Variants in NIPBL observed in about 807,000 individuals in gnomAD.
NIPBL encodes the protein nipped-B-like protein.
NIPBL carries 19 observed loss-of-function variants against 321.8 expected under a neutral mutation model. The ratio of observed to expected loss-of-function variants is 0.06; its 90% confidence interval spans 0.04 to 0.09. The LOEUF is 0.09. Ranked by LOEUF, NIPBL falls within the 10% of genes least tolerant of loss-of-function variation. The pLI, the probability that NIPBL is intolerant of heterozygous loss-of-function variation, is 1.00. For missense variants in NIPBL, 2,210 were observed against 3,327.0 expected (o/e 0.66, Z 8.26); for synonymous variants, 1,106 against 1,114.1 (o/e 0.99, Z 0.14).
chr5:37,011,096 G>A (rs371705498), intron 21 of NIPBL, among the ~76,000 whole-genome samples: 12 of 152,110 alleles, frequency 7.9e-5, no homozygotes, highest in African/African-American at 2.4e-4. Context: ...AGCTCATGCC[G>A]ACGATTTGCG....
intron 24 of NIPBL, among the ~76,000 whole-genome samples, chr5:37,018,846 G>T (rs558569505): frequency 6.6e-6 from 1 of 151,990 alleles, no homozygotes; most frequent in African/African-American, 2.4e-5. Flanking sequence ...ATGGCCGGGC[G>T]CAGTGGCTTA....
At chr5:37,056,709 G>A (rs1754125829) in intron 42 of NIPBL, among the ~76,000 whole-genome samples, 1 of 152,078 alleles carries the variant, frequency 6.6e-6, no homozygotes, top group Non-Finnish European at 1.5e-5. Flanking sequence ...GTGTGTAACT[G>A]ATCTCCATAT....
intron 32 of NIPBL, among the ~76,000 whole-genome samples, chr5:37,034,624 C>G (rs1751483209): frequency 6.6e-6 from 1 of 152,120 alleles, no homozygotes; most frequent in Non-Finnish European, 1.5e-5. Context: ...CAGAAGACTA[C>G]ATCAAGTATA....
chr5:36,898,119 A>C (rs1262884466), intron 1 of NIPBL, among the ~76,000 whole-genome samples: 2 of 152,208 alleles, frequency 1.3e-5, no homozygotes, highest in Non-Finnish European at 2.9e-5. Context: ...GCCCAAACTT[A>C]CTAGCAGTTA....
intron 32 of NIPBL, among the ~76,000 whole-genome samples, chr5:37,029,241 C>G (rs1750673996): frequency 6.6e-6 from 1 of 152,112 alleles, no homozygotes; most frequent in Non-Finnish European, 1.5e-5. Context: ...TGCAGTTGAT[C>G]CTCTCTTCCT....
At chr5:36,987,643 C>T (rs538008372) in intron 10 of NIPBL, among the ~76,000 whole-genome samples, 8 of 152,238 alleles carry the variant, frequency 5.3e-5, no homozygotes, top group African/African-American at 1.9e-4. Flanking sequence ...CATTTTTTCA[C>T]TGTTAATTTA....
At chr5:36,971,817 G>A in intron 7 of NIPBL, 128 bp from the exon 8 acceptor site, 3 of 1,484,204 alleles carry the variant, frequency 2.0e-6, no homozygotes, top group Middle Eastern at 1.8e-4. Flanking sequence ...GGAAAGTGCA[G>A]AAGAATTATG....
intron 45 of NIPBL, among the ~76,000 whole-genome samples, chr5:37,062,065 C>G (rs982326777): frequency 2.2e-4 from 33 of 152,160 alleles, no homozygotes; most frequent in Non-Finnish European, 5.9e-5. Flanking sequence ...TGGTCTCAAA[C>G]TCCTGACCTC....
chr5:36,955,515 T>C lies in NIPBL; in HGVS notation c.108T>C (p.Thr36=). The C allele has an allele frequency of 1.9e-6, 3 of 1,613,948 alleles. No individual in the cohort carries two copies. Among genetic ancestry groups the C allele is most frequent in the Non-Finnish European group, 1.7e-6 (2 of 1,179,842 alleles). ...TTCCATCTCCTTTACCTGCTACAAC[T>C]ACAAAGAGCCTTCTCTTTAATGCAC... The part of the protein sequence containing the change: ...LPLPSPLPAT[T]TKSLLFNARI... The change falls in exon 3 of 47, where the codon ACT becomes ACC. Residue 36 remains threonine, a synonymous_variant. Transcript: ENST00000282516.
intron 43 of NIPBL, among the ~76,000 whole-genome samples, 169 bp downstream of exon 43, chr5:37,057,501 T>A (rs1018442738): frequency 6.6e-6 from 1 of 152,236 alleles, no homozygotes; most frequent in Non-Finnish European, 1.5e-5. Flanking sequence ...GGATGTACAT[T>A]GCCACTTTAC....
intron 1 of NIPBL, among the ~76,000 whole-genome samples, chr5:36,947,903 A>G (rs1739863008): frequency 6.6e-6 from 1 of 151,884 alleles, no homozygotes. Flanking sequence ...GTTTTAAGCA[A>G]AAGTATTTAG....
intron 34 of NIPBL, among the ~76,000 whole-genome samples, chr5:37,039,460 A>G (rs1169641649): frequency 6.6e-6 from 1 of 152,014 alleles, no homozygotes; most frequent in African/African-American, 2.4e-5. Context: ...TCCATCAAAT[A>G]AAGATTTTAA....
chr5:36,927,184 C>CA (rs1749430042), intron 1 of NIPBL, among the ~76,000 whole-genome samples: 1 of 152,074 alleles, frequency 6.6e-6, no homozygotes. Flanking sequence ...AAGAATCCTC[C>CA]ACTCCATTTC....
At chr5:36,944,170 A>G (rs940449794) in intron 1 of NIPBL, among the ~76,000 whole-genome samples, 1 of 152,092 alleles carries the variant, frequency 6.6e-6, no homozygotes, top group Non-Finnish European at 1.5e-5. Context: ...AATTATTTGC[A>G]TATATATGTT....
At chr5:37,054,742 A>G (rs532221728) in intron 42 of NIPBL, among the ~76,000 whole-genome samples, 2 of 152,368 alleles carry the variant, frequency 1.3e-5, no homozygotes, top group Admixed American at 1.3e-4. Context: ...GAGGGATAGA[A>G]TGAGAGGGAT....
rs1747634644 is a variant in NIPBL, at chr5:37,007,917, G to C, written c.4240-91G>C. On this transcript the variant is annotated intron_variant, in intron 18 of 46. Transcript: ENST00000282516. ...AAAAATGCTTTCTTAGTGTTTTCCA[G>C]TAAGCTTATGAATGTATTGGAATTT... 9.8e-6 allele frequency: 8 copies of C among 813,984 alleles called. No homozygotes were observed. In the Admixed American group the frequency reaches 1.2e-4, roughly 12 times the overall value. The allele number at this position is 813,984 out of a possible 1,614,324, so 50.4% of individuals were successfully genotyped here. A position where few individuals can be genotyped will look rare whatever the true frequency, so the allele number is the denominator to read the frequency against.
chr5:37,023,273 C>T (rs1373695605), intron 29 of NIPBL, among the ~76,000 whole-genome samples: 3 of 152,124 alleles, frequency 2.0e-5, no homozygotes, highest in Non-Finnish European at 2.9e-5. Context: ...AGGATTCCCA[C>T]GTATCTGATA....
chr5:37,057,022 C>G (rs1490490230), intron 42 of NIPBL, among the ~76,000 whole-genome samples, 164 bp from the exon 43 acceptor site: 1 of 151,916 alleles, frequency 6.6e-6, no homozygotes, highest in Non-Finnish European at 1.5e-5. Context: ...TCCTCCTCTC[C>G]CTCTGTCTCT....
chr5:36,952,053 T>TGTGTGTGTGTGTGTGTGTGTGC (rs778597604), intron 1 of NIPBL, among the ~76,000 whole-genome samples: 47 of 112,200 alleles, frequency 4.2e-4, no homozygotes, highest in East Asian at 1.1e-3. Context: ...TGTGTGTGTG[T>TGTGTGTGTGTGTGTGTGTGTGC]GCGCGCGCGC....
Sources: allele counts gnomAD v4.1 joint callset (sites outside exome capture counted in the v4.1 genomes callset), GRCh38; gene constraint gnomAD v4.1.1; transcripts MANE v1.5; gene names NCBI Gene and HGNC (gene_info 2026-07-23, HGNC 2026-07-21).